CAST: variants seen among roughly 807,000 people sequenced by gnomAD.
CAST encodes MIR583 host.
A neutral mutation model predicts 119.6 loss-of-function variants in CAST; 76 were observed. That is an observed-to-expected ratio of 0.64 (90% CI 0.53 to 0.77). The LOEUF is 0.77. CAST is among the 30% of genes least tolerant of loss of function. CAST has a pLI of 0.00. For synonymous variants in CAST, 319 were observed against 331.6 expected, an observed-to-expected ratio of 0.96 and a Z score of 0.41; for missense variants, 953 against 946.5, an observed-to-expected ratio of 1.01 and a Z score of -0.09.
At chr5:95,989,495 G>A in the CAST span, among the ~76,000 whole-genome samples, 1 of 152,118 alleles carries the variant, frequency 6.6e-6, no homozygotes, top group Non-Finnish European at 1.5e-5. Flanking sequence ...AAATAACATA[G>A]CAGATTGGTG....
chr5:95,985,623 C>T, the CAST span, among the ~76,000 whole-genome samples: 5 of 152,156 alleles, frequency 3.3e-5, no homozygotes, highest in Non-Finnish European at 1.5e-5. Context: ...AACAGACTTC[C>T]TTAGGACATT....
chr5:96,431,794 C>T, the CAST span, among the ~76,000 whole-genome samples: 6 of 152,194 alleles, frequency 3.9e-5, no homozygotes, highest in Non-Finnish European at 2.9e-5. Context: ...GGCGTCTCAA[C>T]CACCACCTCC....
chr5:96,662,457 C>G lies in CAST; in HGVS notation c.35C>G (p.Pro12Arg). Residue 12 changes from proline (P) to arginine (R), a missense_variant, in exon 1 of 32, where the codon CCG (proline) becomes CGG (arginine). Pro to Arg is a moderately radical substitution (Grantham distance 103). Transcript: ENST00000675179. ...SQPGQKPAASPRPRRAAAARR... is the reference protein window; with the variant it reads ...SQPGQKPAASRRPRRAAAARR... ...CCCGGCCAGAAGCCCGCCGCCTCCC[C>G]GCGGCCCCGGCGAGCAGCCGCCGCC... is the stretch of plus-strand genomic sequence containing the variant. 6.3e-6 allele frequency: 9 copies of G among 1,437,782 alleles called. No homozygotes were observed. The highest frequency in any genetic ancestry group is 1.5e-5 in the African/African-American group (1 of 67,448). 89.1% of individuals were successfully genotyped at this position (1,437,782 alleles called of 1,614,324 possible).
At chr5:96,751,956 G>A (rs1009917316) in intron 20 of CAST, among the ~76,000 whole-genome samples, 2 of 152,192 alleles carry the variant, frequency 1.3e-5, no homozygotes, top group Non-Finnish European at 2.9e-5. Flanking sequence ...TGGTTGCCCA[G>A]GTTACTGTCA....
chr5:96,119,996 A>G, the CAST span, among the ~76,000 whole-genome samples: 1 of 152,160 alleles, frequency 6.6e-6, no homozygotes, highest in Non-Finnish European at 1.5e-5. Context: ...GTATGTGTCA[A>G]TTTGTGAAAC....
the CAST span, among the ~76,000 whole-genome samples, chr5:95,999,693 TTAA>T: frequency 6.6e-6 from 1 of 152,224 alleles, no homozygotes; most frequent in African/African-American, 2.4e-5. Flanking sequence ...GGGGTTATTA[TTAA>T]TAATTCTGCT....
chr5:96,564,176 A>T (rs1270141491), intron 1 of CAST, among the ~76,000 whole-genome samples: 2 of 152,194 alleles, frequency 1.3e-5, no homozygotes, highest in Non-Finnish European at 2.9e-5. Flanking sequence ...ACAGTCACCA[A>T]TTACCTTCAT....
chr5:96,513,985 T>C, the CAST span, among the ~76,000 whole-genome samples: 1 of 152,182 alleles, frequency 6.6e-6, no homozygotes, highest in Non-Finnish European at 1.5e-5. Flanking sequence ...ATCTGTGCCT[T>C]GGCTGTCACA....
At chr5:96,452,991 G>GAAA in the CAST span, among the ~76,000 whole-genome samples, 1 of 129,328 alleles carries the variant, frequency 7.7e-6, no homozygotes, top group Non-Finnish European at 1.6e-5. Flanking sequence ...AGAAAGAAAA[G>GAAA]AAAAAATCCT....
At chr5:96,232,643 A>G in the CAST span, among the ~76,000 whole-genome samples, 1 of 152,130 alleles carries the variant, frequency 6.6e-6, no homozygotes, top group Non-Finnish European at 1.5e-5. Flanking sequence ...AATTTTAAAA[A>G]GAACAAAAAA....
chr5:96,271,160 T>C, the CAST span, among the ~76,000 whole-genome samples: 1 of 152,198 alleles, frequency 6.6e-6, no homozygotes, highest in Non-Finnish European at 1.5e-5. Flanking sequence ...AGATATTCTG[T>C]GTTCATGGTT....
chr5:95,961,505 C>G, the CAST span: 1 of 1,374,126 alleles, frequency 7.3e-7, no homozygotes, highest in African/African-American at 1.5e-5. Context: ...GGCCCCGCAC[C>G]CGGGCGCGGC....
chr5:95,979,777 C>T, the CAST span, among the ~76,000 whole-genome samples: 9 of 152,016 alleles, frequency 5.9e-5, no homozygotes, highest in African/African-American at 1.9e-4. Context: ...TTCCAAAGTC[C>T]CATGTTTTTT....
At chr5:96,601,986 T>G (rs1171121505) in intron 1 of CAST, among the ~76,000 whole-genome samples, 1 of 152,194 alleles carries the variant, frequency 6.6e-6, no homozygotes, top group African/African-American at 2.4e-5. Flanking sequence ...CCCTCCTCAT[T>G]GGACTCTTGG....
intron 2 of CAST, among the ~76,000 whole-genome samples, chr5:96,689,608 T>C (rs891887590): frequency 3.3e-5 from 5 of 152,186 alleles, no homozygotes; most frequent in African/African-American, 1.2e-4. Flanking sequence ...ACATGCGCCT[T>C]ATGGCAACCC....
the CAST span, among the ~76,000 whole-genome samples, chr5:96,420,203 AG>A: frequency 6.6e-6 from 1 of 152,212 alleles, no homozygotes; most frequent in African/African-American, 2.4e-5. Context: ...CACCCAGTTT[AG>A]GGGAAGAAAA....
chr5:96,014,975 T>A, the CAST span, among the ~76,000 whole-genome samples: 1 of 152,132 alleles, frequency 6.6e-6, no homozygotes, highest in East Asian at 1.9e-4. Context: ...CCAAACATTT[T>A]ACGGGTATCA....
the CAST span, among the ~76,000 whole-genome samples, chr5:96,260,428 T>G: frequency 6.6e-6 from 1 of 152,200 alleles, no homozygotes; most frequent in Non-Finnish European, 1.5e-5. Flanking sequence ...TCCTTTAGCT[T>G]CAGAGTGAAC....
intron 1 of CAST, among the ~76,000 whole-genome samples, chr5:96,586,647 A>G (rs550972002): frequency 6.6e-6 from 1 of 152,258 alleles, no homozygotes; most frequent in Non-Finnish European, 1.5e-5. Flanking sequence ...ATTGCAATTC[A>G]TAAAAGCAAG....
Sources: gnomAD v4.1 joint callset for allele counts (sites outside exome capture counted in the v4.1 genomes callset) on GRCh38, gnomAD v4.1.1 for gene constraint, MANE v1.5 for transcripts, NCBI Gene and HGNC (gene_info 2026-07-23, HGNC 2026-07-21) for gene names.